Variants in MAP2K4 observed in about 807,000 individuals in gnomAD.
The protein encoded by MAP2K4 is mitogen-activated protein kinase kinase 4, also known as dual specificity mitogen-activated protein kinase kinase 4.
MAP2K4 carries 4 observed loss-of-function variants against 48.5 expected under a neutral mutation model. The ratio of observed to expected loss-of-function variants is 0.08; its 90% CI spans 0.04 to 0.19. The LOEUF (loss-of-function observed/expected upper bound fraction) is 0.19, where lower values mean the gene tolerates loss of function less well. Among genes scored for constraint, MAP2K4 ranks in the 10% least tolerant of loss-of-function variants. The pLI is 1.00. For missense variants in MAP2K4, 258 were observed against 493.3 expected, an observed-to-expected ratio of 0.52 and a Z score of 4.52; for synonymous variants, 166 against 173.1, an observed-to-expected ratio of 0.96 and a Z score of 0.32.
At chr17:12,125,479 G>T in intron 8 of MAP2K4, 108 bp downstream of exon 8, 1 of 832,354 alleles carries the variant, frequency 1.2e-6, no homozygotes, top group South Asian at 1.4e-5. Flanking sequence ...TATAATCACA[G>T]ACACTATGGT....
In MAP2K4 at chr17:12,081,244, A is replaced by G; in HGVS notation, c.219-112A>G. ...GAAAAACTTCAAAAACCTGGAGGTCAGACTATTTTAGTAATTTAGAAAACA... is the reference window on the plus strand; with the variant it reads ...GAAAAACTTCAAAAACCTGGAGGTCGGACTATTTTAGTAATTTAGAAAACA... On this transcript the variant is annotated intron_variant, in intron 2 of 10. Coordinates refer to ENST00000353533, the MANE Select transcript of MAP2K4 (RefSeq NM_003010.4). The surrounding 1 kb of genome is among the most constrained non-coding windows in gnomAD (Gnocchi z 4.2). 1.3e-6 allele frequency: 1 copy of G among 759,834 alleles called. No homozygotes were observed. Among genetic ancestry groups the G allele is most frequent in the Non-Finnish European group, 2.0e-6 (1 of 491,012 alleles). 47.1% of individuals were successfully genotyped at this position (759,834 alleles called of 1,614,324 possible).
Position 12,141,311 on chromosome 17 carries a change from G to T in MAP2K4, c.*51G>T, listed in dbSNP as rs376888511. 30 of 1,284,810 alleles carry T rather than the reference G, an allele frequency of 2.3e-5. No homozygotes were observed. Among genetic ancestry groups the T allele is most frequent in the Non-Finnish European group, 3.3e-5 (29 of 880,812 alleles). The allele number at this position is 1,284,810 out of a possible 1,614,324, so 79.6% of individuals were successfully genotyped here. On this transcript the variant is annotated 3_prime_UTR_variant, in exon 11 of 11. Transcript: ENST00000353533. ...AAAAAGGGCTGAGAGGAAGCAAGACGTAAAGAATTTTCATCCCGTATCACA... is the reference window on the plus strand; with the variant it reads ...AAAAAGGGCTGAGAGGAAGCAAGACTTAAAGAATTTTCATCCCGTATCACA...
chr17:12,049,440 C>T (rs1013560079), intron 1 of MAP2K4, among the ~76,000 whole-genome samples: 5 of 152,174 alleles, frequency 3.3e-5, no homozygotes, highest in Admixed American at 2.6e-4. Flanking sequence ...TGGCTCCTTT[C>T]GCATGTGAGT....
chr17:12,033,501 T>C (rs1969502656), intron 1 of MAP2K4, among the ~76,000 whole-genome samples: 1 of 152,194 alleles, frequency 6.6e-6, no homozygotes, highest in African/African-American at 2.4e-5. Flanking sequence ...ATATAAATAA[T>C]AGAGATCAAG....
intron 2 of MAP2K4, among the ~76,000 whole-genome samples, chr17:12,056,529 A>C (rs946774983): frequency 7.2e-5 from 11 of 152,098 alleles, no homozygotes; most frequent in African/African-American, 2.4e-4. Context: ...CAAGTATTTA[A>C]AATTTGAAAG....
At chr17:12,059,142 A>AT (rs1970373255) in intron 2 of MAP2K4, among the ~76,000 whole-genome samples, 2 of 152,248 alleles carry the variant, frequency 1.3e-5, no homozygotes, top group African/African-American at 2.4e-5. Context: ...ATATTATAAT[A>AT]GAGACTCTTG....
intron 4 of MAP2K4, among the ~76,000 whole-genome samples, chr17:12,098,246 G>A (rs1235112706): frequency 3.3e-5 from 5 of 152,072 alleles, no homozygotes; most frequent in Non-Finnish European, 5.9e-5. Flanking sequence ...TCAGGAGGCC[G>A]AGGTGGGCGG....
chr17:12,052,330 C>T (rs1299186468), intron 1 of MAP2K4, among the ~76,000 whole-genome samples: 1 of 152,210 alleles, frequency 6.6e-6, no homozygotes, highest in Non-Finnish European at 1.5e-5. Flanking sequence ...ACTTAAATCA[C>T]ATTCTCTTCA....
At chr17:12,054,060 G>T (rs530755915) in intron 1 of MAP2K4, among the ~76,000 whole-genome samples, 84 of 152,188 alleles carry the variant, frequency 5.5e-4, no homozygotes, top group African/African-American at 1.9e-3. Context: ...AAGACTTATT[G>T]ATATAGAAAG....
chr17:12,071,514 G>A (rs564276031), intron 2 of MAP2K4, among the ~76,000 whole-genome samples: 52 of 152,174 alleles, frequency 3.4e-4, no homozygotes, highest in African/African-American at 1.2e-3. Context: ...CACTGGAGAC[G>A]GATGAAGACC....
intron 1 of MAP2K4, among the ~76,000 whole-genome samples, chr17:12,030,612 A>C (rs1969405333): frequency 6.6e-6 from 1 of 152,180 alleles, no homozygotes; most frequent in Admixed American, 6.5e-5. Context: ...TATACCTTAA[A>C]ATTTTTAATA....
At chr17:12,094,858 CA>C (rs1971682153) in intron 3 of MAP2K4, among the ~76,000 whole-genome samples, 1 of 152,122 alleles carries the variant, frequency 6.6e-6, no homozygotes, top group African/African-American at 2.4e-5. Context: ...TAGGAATAGA[CA>C]AAAAGAGCCC....
At chr17:12,118,139 C>G (rs1003423333) in intron 7 of MAP2K4, among the ~76,000 whole-genome samples, 2 of 152,120 alleles carry the variant, frequency 1.3e-5, no homozygotes, top group Non-Finnish European at 2.9e-5. Context: ...ATCTGCTGAT[C>G]ATGAAGCAGT....
At chr17:12,127,240 T>C (rs1181634272) in intron 8 of MAP2K4, among the ~76,000 whole-genome samples, 1 of 152,208 alleles carries the variant, frequency 6.6e-6, no homozygotes, top group African/African-American at 2.4e-5. Flanking sequence ...TCTTTTCTCA[T>C]TGTGAAGCCA....
rs187585396 is a variant in MAP2K4, at chr17:12,130,500, A to T, written c.1040+1213A>T. On this transcript the variant is annotated intron_variant, in intron 9 of 10. Transcript: ENST00000353533. ...TAAGTCATAGGGTATAATATCTAAA[A>T]TGATCACCTGTGAACCTTCCATCAG... is the stretch of plus-strand genomic sequence containing the variant. Among the ~76,000 whole-genome samples the T allele has an allele frequency of 9.8e-5, 15 of 152,338 alleles. No individual in the cohort carries two copies. In the East Asian group the frequency reaches 2.9e-3, roughly 29 times the overall value.
chr17:12,030,987 T>C (rs1597394279), intron 1 of MAP2K4, among the ~76,000 whole-genome samples: 1 of 152,328 alleles, frequency 6.6e-6, no homozygotes, highest in Non-Finnish European at 1.5e-5. Context: ...CAGTGGCTTT[T>C]AGTTGCTTAG....
At chr17:12,092,525 A>G (rs897030634) in intron 3 of MAP2K4, among the ~76,000 whole-genome samples, 4 of 152,176 alleles carry the variant, frequency 2.6e-5, no homozygotes, top group African/African-American at 9.7e-5. Context: ...TCTCTTAAGT[A>G]TTCTCTAATT....
At chr17:12,123,170 A>T (rs1451902815) in intron 7 of MAP2K4, among the ~76,000 whole-genome samples, 1 of 152,280 alleles carries the variant, frequency 6.6e-6, no homozygotes, top group South Asian at 2.1e-4. Flanking sequence ...TTTGAAAAAA[A>T]AATTTGTGTA....
intron 9 of MAP2K4, 75 bp from the exon 10 acceptor site, chr17:12,139,763 TA>T (rs1241383771): frequency 3.0e-6 from 3 of 1,014,294 alleles, no homozygotes; most frequent in Non-Finnish European, 4.6e-6. Flanking sequence ...TTATTTGTAA[TA>T]TTTCATCTGT....
Sources: allele counts gnomAD v4.1 joint callset (sites outside exome capture counted in the v4.1 genomes callset), GRCh38; gene constraint gnomAD v4.1.1; non-coding constraint Gnocchi (gnomAD v3.1); transcripts MANE v1.5; gene names NCBI Gene and HGNC (gene_info 2026-07-23, HGNC 2026-07-21).